Variants in TBC1D8 observed in about 807,000 individuals in gnomAD.
The protein encoded by TBC1D8 is BUB2-like protein 1.
A neutral mutation model predicts 118.8 loss-of-function variants in TBC1D8; 65 were observed. That is an observed-to-expected ratio of 0.55 (90% confidence interval 0.45 to 0.67). The LOEUF is 0.67. Ranked by LOEUF, TBC1D8 falls within the 30% of genes least tolerant of loss-of-function variation. The pLI is 0.00. For missense variants in TBC1D8, 1,376 were observed against 1,471.2 expected (o/e 0.94, Z 1.06); for synonymous variants, 566 against 595.8 (o/e 0.95, Z 0.73).
intron 2 of TBC1D8, among the ~76,000 whole-genome samples, chr2:101,088,898 A>G (rs1675819969): frequency 6.6e-6 from 1 of 152,172 alleles, no homozygotes; most frequent in Admixed American, 6.5e-5. Flanking sequence ...AGCATGCATC[A>G]TCTTTGTCAT....
At chr2:101,110,373 C>T (rs563974761) in intron 1 of TBC1D8, among the ~76,000 whole-genome samples, 2 of 152,268 alleles carry the variant, frequency 1.3e-5, no homozygotes, top group East Asian at 1.9e-4. Context: ...CAATAAAACC[C>T]GTTTTTAAGA....
intron 3 of TBC1D8, among the ~76,000 whole-genome samples, chr2:101,058,148 A>G (rs916375201): frequency 4.6e-5 from 7 of 152,134 alleles, no homozygotes; most frequent in African/African-American, 1.4e-4. Context: ...CTGGGCCAGG[A>G]TGAGGGCTGA....
At chr2:101,109,490 G>A (rs147250425) in intron 1 of TBC1D8, among the ~76,000 whole-genome samples, 8 of 152,238 alleles carry the variant, frequency 5.3e-5, no homozygotes, top group Non-Finnish European at 7.4e-5. Flanking sequence ...GCAACTATAC[G>A]GAAAAATGTT....
intron 1 of TBC1D8, among the ~76,000 whole-genome samples, chr2:101,092,755 C>T (rs565543853): frequency 6.6e-6 from 1 of 152,252 alleles, no homozygotes; most frequent in East Asian, 1.9e-4. Context: ...TGGAACCAGC[C>T]ACCATTTCTT....
chr2:101,031,444 T>G (rs747856004), intron 11 of TBC1D8, among the ~76,000 whole-genome samples: 1 of 152,162 alleles, frequency 6.6e-6, no homozygotes, highest in African/African-American at 2.4e-5. Flanking sequence ...CTTGCTCCTA[T>G]ATCCACTCGG....
intron 17 of TBC1D8, among the ~76,000 whole-genome samples, chr2:101,021,128 G>A (rs1680006310): frequency 1.3e-5 from 2 of 152,138 alleles, no homozygotes; most frequent in Admixed American, 6.5e-5. Context: ...GGGGGACAGA[G>A]CCCTCTGGGA....
intron 2 of TBC1D8, among the ~76,000 whole-genome samples, chr2:101,061,669 T>C (rs1275732016): frequency 6.6e-6 from 1 of 151,922 alleles, no homozygotes; most frequent in African/African-American, 2.4e-5. Flanking sequence ...TGCCCCTCGG[T>C]CCCACCTCCC....
intron 5 of TBC1D8, among the ~76,000 whole-genome samples, chr2:101,047,949 A>T (rs1460871657): frequency 1.3e-5 from 2 of 152,216 alleles, no homozygotes; most frequent in Non-Finnish European, 2.9e-5. Flanking sequence ...CCCAAAACCA[A>T]AAAACACCAC....
At chr2:101,150,789 C>T (rs1390819838) in intron 1 of TBC1D8, among the ~76,000 whole-genome samples, 1 of 152,168 alleles carries the variant, frequency 6.6e-6, no homozygotes, top group African/African-American at 2.4e-5. Context: ...AGCCTCGCTG[C>T]TCCAGGGCGG....
chr2:101,038,908 G>A (rs1681209272), intron 6 of TBC1D8, among the ~76,000 whole-genome samples: 1 of 152,222 alleles, frequency 6.6e-6, no homozygotes, highest in Non-Finnish European at 1.5e-5. Context: ...AAGAGGAGGG[G>A]AATTCGGACA....
chr2:101,128,649 G>A (rs186649916), intron 1 of TBC1D8, among the ~76,000 whole-genome samples: 22 of 152,296 alleles, frequency 1.4e-4, no homozygotes, highest in Admixed American at 1.2e-3. Context: ...CTGTTTTCAC[G>A]GCAGCATTAT....
At chr2:101,036,302 G>A in intron 8 of TBC1D8, 134 bp from the exon 9 acceptor site, 1 of 972,480 alleles carries the variant, frequency 1.0e-6, no homozygotes, top group Non-Finnish European at 1.6e-6. Flanking sequence ...AAGGACACCT[G>A]TATTCAAGCC....
chr2:101,027,315 G>GC (rs1198812943), intron 15 of TBC1D8, 68 bp downstream of exon 15: 9 of 1,441,970 alleles, frequency 6.2e-6, no homozygotes, highest in Non-Finnish European at 8.8e-6. Flanking sequence ...TGTCCCCTGG[G>GC]CAGGCTGGGC....
At chr2:101,110,522 A>G (rs1436603410) in intron 1 of TBC1D8, among the ~76,000 whole-genome samples, 1 of 152,120 alleles carries the variant, frequency 6.6e-6, no homozygotes, top group Non-Finnish European at 1.5e-5. Flanking sequence ...TAATAGAAGG[A>G]CTTCTCACTA....
In TBC1D8 at chr2:101,090,296, G is replaced by A; in HGVS notation, c.196C>T (p.Leu66Phe). The A allele has an allele frequency of 1.2e-6, 2 of 1,613,996 alleles. No individual in the cohort carries two copies. The highest frequency in any genetic ancestry group is 1.6e-4 in the Middle Eastern group (1 of 6,062). Reference sequence around the variant, plus strand: ...TAAACCTGGGAGCCGGGAACTTGAAGCAGAATTCGAAATGGAGCGACCCGT... The same window carrying A: ...TAAACCTGGGAGCCGGGAACTTGAAACAGAATTCGAAATGGAGCGACCCGT... ...NARVAPFRILLQVPGSQVYSP... is the reference protein window; with the variant it reads ...NARVAPFRILFQVPGSQVYSP... The change falls in exon 2 of 20, where the codon CTT becomes TTT. Residue 66 changes from leucine (L) to phenylalanine (F), a missense_variant. By Grantham distance (22) the Leu-to-Phe change is conservative. Transcript: ENST00000409318.
intron 5 of TBC1D8, among the ~76,000 whole-genome samples, chr2:101,042,294 A>G (rs955684153): frequency 1.3e-5 from 2 of 152,144 alleles, no homozygotes; most frequent in African/African-American, 4.8e-5. Flanking sequence ...TGATCAAGTT[A>G]TGTCATATTC....
At chr2:101,047,644 A>G (rs891298799) in intron 5 of TBC1D8, among the ~76,000 whole-genome samples, 1 of 152,220 alleles carries the variant, frequency 6.6e-6, no homozygotes, top group Non-Finnish European at 1.5e-5. Flanking sequence ...CTGAACCTGC[A>G]GTCAACAGCT....
chr2:101,140,255 G>T (rs1169314964), intron 1 of TBC1D8, among the ~76,000 whole-genome samples: 1 of 152,120 alleles, frequency 6.6e-6, no homozygotes, highest in Non-Finnish European at 1.5e-5. Context: ...TACTGAGAGA[G>T]GGAATAAAAT....
chr2:101,095,136 A>T (rs1458193709), intron 1 of TBC1D8, among the ~76,000 whole-genome samples: 1 of 152,050 alleles, frequency 6.6e-6, no homozygotes, highest in Non-Finnish European at 1.5e-5. Flanking sequence ...CACCGTGAAG[A>T]GCCAGGGAAG....
Sources: gnomAD v4.1 joint callset for allele counts (sites outside exome capture counted in the v4.1 genomes callset) on GRCh38, gnomAD v4.1.1 for gene constraint, MANE v1.5 for transcripts, NCBI Gene and HGNC (gene_info 2026-07-23, HGNC 2026-07-21) for gene names.